GREB1: variants seen among roughly 807,000 people sequenced by gnomAD.
The protein encoded by GREB1 is protein GREB1.
A neutral mutation model predicts 200.7 loss-of-function variants in GREB1; 106 were observed. That is an observed-to-expected ratio of 0.53 (90% CI 0.45 to 0.62). The LOEUF is 0.62. Ranked by LOEUF, GREB1 falls within the 20% of genes least tolerant of loss-of-function variation. The pLI is 0.00. For missense variants in GREB1, 2,243 were observed against 2,556.8 expected (o/e 0.88, Z 2.65); for synonymous variants, 1,132 against 1,092.4 (o/e 1.04, Z -0.72).
At chr2:11,536,255 T>C (rs574583667) in intron 1 of GREB1, among the ~76,000 whole-genome samples, 1 of 152,232 alleles carries the variant, frequency 6.6e-6, no homozygotes, top group East Asian at 1.9e-4. Flanking sequence ...GTCGGAGGTG[T>C]GACAGGATAC....
At chr2:11,546,164 G>A (rs577576281) in intron 1 of GREB1, among the ~76,000 whole-genome samples, 3 of 147,240 alleles carry the variant, frequency 2.0e-5, no homozygotes, top group Non-Finnish European at 3.0e-5. Context: ...GTGACAGAGC[G>A]AGATTCCGTC....
chr2:11,566,547 G>A lies in GREB1; in HGVS notation c.345G>A (p.Ala115=), dbSNP rs1488990581. The A allele has an allele frequency of 3.7e-6, 6 of 1,613,986 alleles. No homozygotes were observed. The highest frequency in any genetic ancestry group is 1.6e-4 in the Middle Eastern group (1 of 6,076). Residue 115 remains alanine (A), a synonymous_variant, in exon 4 of 33, where the codon GCG becomes GCA. Transcript: ENST00000381486. ...CCAACGAGCCCATGGATGTCCCTGC[G>A]GGCTTTCTCCTCGTGGGGGTCAAGT... ...SISNEPMDVP[A]GFLLVGVKSP...
At position 11,483,345 on chromosome 2, in the gene GREB1, A is replaced by T. The variant is rs776529024; in HGVS notation, c.-159+964A>T. On this transcript the variant is annotated intron_variant, in intron 1 of 2. Transcript: ENST00000628795. ...GTGCGCGCGCGTGTGTGTGTGTGAG[A>T]GAGAGAGAGCACCCGAGGCTCCTGG... 4.4e-3 allele frequency among the ~76,000 whole-genome samples: 653 copies of T among 147,034 alleles called. 3 individuals carry two copies. Among genetic ancestry groups the T allele is most frequent in the Middle Eastern group, 0.011 (3 of 278 alleles).
intron 11 of GREB1, among the ~76,000 whole-genome samples, chr2:11,593,680 G>A (rs755741387): frequency 2.0e-5 from 3 of 152,154 alleles, no homozygotes; most frequent in African/African-American, 4.8e-5. Context: ...TGTCACCCAG[G>A]CTGGTCTCAA....
chr2:11,557,360 T>C (rs1676526509), intron 2 of GREB1, among the ~76,000 whole-genome samples: 1 of 152,250 alleles, frequency 6.6e-6, no homozygotes, highest in Non-Finnish European at 1.5e-5. Context: ...CAGTGATCCA[T>C]AGTATGAGAT....
At chr2:11,516,646 C>T (rs1673512659) in intron 1 of GREB1, among the ~76,000 whole-genome samples, 1 of 151,854 alleles carries the variant, frequency 6.6e-6, no homozygotes, top group Admixed American at 6.6e-5. Context: ...GGCTGTGGGC[C>T]CATGCGGTTG....
chr2:11,560,076 G>T (rs1356909315), intron 2 of GREB1, among the ~76,000 whole-genome samples: 1 of 152,154 alleles, frequency 6.6e-6, no homozygotes, highest in Non-Finnish European at 1.5e-5. Flanking sequence ...TGGAACTCCC[G>T]TGCAGCTCTG....
At chr2:11,587,188 C>T (rs925026253) in intron 9 of GREB1, among the ~76,000 whole-genome samples, 3 of 152,150 alleles carry the variant, frequency 2.0e-5, no homozygotes, top group African/African-American at 4.8e-5. Flanking sequence ...CCTCGTCTCC[C>T]GGACTCCTGC....
At chr2:11,583,823 C>T (rs1679770646) in intron 7 of GREB1, among the ~76,000 whole-genome samples, 3 of 151,466 alleles carry the variant, frequency 2.0e-5, no homozygotes, top group Admixed American at 2.0e-4. Flanking sequence ...CGCGCCACTG[C>T]ACTCCAGCCT....
At chr2:11,565,353 C>T (rs973903011) in intron 3 of GREB1, among the ~76,000 whole-genome samples, 2 of 152,336 alleles carry the variant, frequency 1.3e-5, no homozygotes, top group South Asian at 4.1e-4. Flanking sequence ...CCTGCCCCCG[C>T]CCAGGGGCAC....
intron 7 of GREB1, chr2:11,584,733 C>T (rs974470464): frequency 3.2e-5 from 5 of 154,906 alleles, no homozygotes; most frequent in African/African-American, 1.2e-4. Flanking sequence ...AGAGAGAGAT[C>T]GTTTAGACAC....
upstream of GREB1, among the ~76,000 whole-genome samples, chr2:11,531,525 A>G (rs533572424): frequency 1.3e-4 from 20 of 152,256 alleles, no homozygotes; most frequent in Admixed American, 1.2e-3. Context: ...AAAATTGCGT[A>G]TAATTCTTGC....
intron 1 of GREB1, among the ~76,000 whole-genome samples, chr2:11,513,150 C>T (rs368923591): frequency 6.6e-6 from 1 of 152,188 alleles, no homozygotes; most frequent in South Asian, 2.1e-4. Context: ...AGGTCTGCTA[C>T]GGTTCTAGAA....
intron 7 of GREB1, among the ~76,000 whole-genome samples, chr2:11,582,082 AC>A (rs36033676): frequency 0.1 from 15,237 of 152,172 alleles, 841 homozygotes; most frequent in Middle Eastern, 0.16. Flanking sequence ...TTTGGGGGCA[AC>A]CCTGTGGCTG....
At chr2:11,614,134 T>TC (rs1300129757) in intron 19 of GREB1, among the ~76,000 whole-genome samples, 1 of 151,450 alleles carries the variant, frequency 6.6e-6, no homozygotes, top group African/African-American at 2.4e-5. Context: ...GATTTTTTTT[T>TC]TTTTTTTTTT....
intron 31 of GREB1, among the ~76,000 whole-genome samples, chr2:11,638,248 C>T (rs1685541698): frequency 1.3e-5 from 2 of 152,214 alleles, no homozygotes; most frequent in African/African-American, 4.8e-5. Flanking sequence ...TCAAGTGATT[C>T]TCCTGCCTCA....
At chr2:11,554,210 G>A (rs962172471) in intron 1 of GREB1, among the ~76,000 whole-genome samples, 15 of 152,114 alleles carry the variant, frequency 9.9e-5, no homozygotes, top group African/African-American at 3.4e-4. Flanking sequence ...TCTTTTTGTT[G>A]GGGCTAATTC....
chr2:11,511,281 C>A (rs1572568963), intron 1 of GREB1, among the ~76,000 whole-genome samples: 1 of 152,156 alleles, frequency 6.6e-6, no homozygotes, highest in African/African-American at 2.4e-5. Flanking sequence ...ACACAATCAT[C>A]CCCATTTTAT....
At chr2:11,565,551 C>T (rs1257700815) in intron 3 of GREB1, among the ~76,000 whole-genome samples, 1 of 152,214 alleles carries the variant, frequency 6.6e-6, no homozygotes, top group Non-Finnish European at 1.5e-5. Flanking sequence ...TTACCTGGGA[C>T]AAGACCCTGG....
Sources: allele counts gnomAD v4.1 joint callset (sites outside exome capture counted in the v4.1 genomes callset), GRCh38; gene constraint gnomAD v4.1.1; transcripts MANE v1.5; gene names NCBI Gene and HGNC (gene_info 2026-07-23, HGNC 2026-07-21).